Variants in KLRG2 observed in about 807,000 individuals in gnomAD.
KLRG2 encodes the protein killer cell lectin like receptor G2, also known as killer cell lectin-like receptor subfamily G member 2.
A neutral mutation model predicts 35.4 loss-of-function variants in KLRG2; 39 were observed. That is an observed-to-expected ratio of 1.10 (90% CI 0.85 to 1.44). KLRG2 has a LOEUF of 1.44. Ranked by LOEUF, KLRG2 falls within the 40% of genes most tolerant of loss-of-function variation. The pLI is 0.00. For missense variants in KLRG2, 632 were observed against 570.9 expected (o/e 1.11, Z -1.09); for synonymous variants, 283 against 265.8 (o/e 1.06, Z -0.63).
chr7:139,473,754 A>T (rs574753163), intron 3 of KLRG2, among the ~76,000 whole-genome samples: 10 of 152,284 alleles, frequency 6.6e-5, no homozygotes, highest in African/African-American at 2.4e-4. Flanking sequence ...TGGGCAGATC[A>T]CCCGAGGTCA....
the KLRG2 span, among the ~76,000 whole-genome samples, chr7:139,433,696 G>A: frequency 5.0e-4 from 71 of 140,702 alleles, no homozygotes; most frequent in South Asian, 4.0e-3. Context: ...GCACATTCTC[G>A]CCTCACTGCC....
chr7:139,477,394 C>T (rs1202477625), intron 3 of KLRG2, among the ~76,000 whole-genome samples: 1 of 152,102 alleles, frequency 6.6e-6, no homozygotes, highest in Non-Finnish European at 1.5e-5. Flanking sequence ...TATTATTCAG[C>T]CTTAAAAAGG....
the KLRG2 span, among the ~76,000 whole-genome samples, chr7:139,430,567 T>C: frequency 6.6e-6 from 1 of 152,218 alleles, no homozygotes; most frequent in East Asian, 1.9e-4. Context: ...AACAGGCAGC[T>C]TCTTACAAAT....
chr7:139,436,631 C>T, the KLRG2 span, among the ~76,000 whole-genome samples: 3 of 152,190 alleles, frequency 2.0e-5, no homozygotes, highest in African/African-American at 2.4e-5. Flanking sequence ...ATGAGGAGCC[C>T]GGCTCCAGCC....
the KLRG2 span, among the ~76,000 whole-genome samples, chr7:139,429,475 T>TAAAC: frequency 6.6e-6 from 1 of 151,516 alleles, no homozygotes; most frequent in Non-Finnish European, 1.5e-5. Context: ...GGTCAGCAGA[T>TAAAC]AAGTGAACAA....
intron 3 of KLRG2, among the ~76,000 whole-genome samples, chr7:139,468,667 C>G (rs1796707609): frequency 6.6e-6 from 1 of 152,174 alleles, no homozygotes; most frequent in Non-Finnish European, 1.5e-5. Context: ...GGATAGTGTT[C>G]TCTTTTGAAC....
Position 139,453,683 on chromosome 7 carries a change from A to T in KLRG2, c.1134T>A (p.Asn378Lys), listed in dbSNP as rs766750855. 5.2e-5 allele frequency: 84 copies of T among 1,613,964 alleles called. No individual in the cohort carries two copies. Among genetic ancestry groups the T allele is most frequent in the Non-Finnish European group, 6.9e-5 (82 of 1,180,020 alleles). ...PQLLPEDGED[N>K]LDINCGALEE... ...CCAGGGCCCCACAGTTGATATCCAG[A>T]TTGTCCTCGCCGTCCTCAGGGAGTC... Residue 378 changes from asparagine to lysine, a missense_variant, in exon 5 of 5, where the codon AAT (asparagine) becomes AAA (lysine). Coordinates refer to ENST00000340940, the MANE Select transcript of KLRG2 (RefSeq NM_198508.4).
the KLRG2 span, among the ~76,000 whole-genome samples, chr7:139,435,154 C>T: frequency 3.6e-3 from 552 of 152,244 alleles, 2 homozygotes; most frequent in African/African-American, 0.013. Flanking sequence ...GGCTACCTTT[C>T]TTAAAAAAAC....
chr7:139,483,105 CG>C lies in KLRG2; in HGVS notation c.537del (p.Gly180AlafsTer70). 1 of 1,442,300 alleles carries C rather than the reference CG, an allele frequency of 6.9e-7. No individual in the cohort carries two copies. 89.3% of individuals were successfully genotyped at this position (1,442,300 alleles called of 1,614,324 possible). ...AGCGGCGAGCGGCGGCCCCACGTGCCGCCCTGGGATGGTGCGCGCAGCAGGA... is the reference window on the plus strand; with the variant it reads ...AGCGGCGAGCGGCGGCCCCACGTGCCCCCTGGGATGGTGCGCGCAGCAGGA... ...HQLLLRAPSQGGTWGRRSPLA... is the reference protein window; with the variant it reads ...HQLLLRAPSQXGTWGRRSPLA... On this transcript the variant is annotated frameshift_variant, in exon 1 of 5. Transcript: ENST00000340940. LOFTEE classifies it high-confidence loss of function.
At chr7:139,451,951 G>A (rs570979916), downstream of KLRG2, among the ~76,000 whole-genome samples, 25 of 150,894 alleles carry the variant, frequency 1.7e-4, no homozygotes, top group Non-Finnish European at 3.1e-4. Context: ...CATCCAGCCA[G>A]GGAATTTCCA....
the KLRG2 span, among the ~76,000 whole-genome samples, chr7:139,433,596 G>A: frequency 6.7e-6 from 1 of 150,270 alleles, no homozygotes. Flanking sequence ...AAAGTGCTGG[G>A]ATTACAGGCG....
rs1796480830 is a variant in KLRG2, at chr7:139,456,611, C to T, written c.1006-2397G>A. ...AGATGATTCACCCACCTCGGCCTCC[C>T]AAAGTGCTAGGATTACAGGTATAAG... On this transcript the variant is annotated intron_variant, in intron 3 of 4. Transcript: ENST00000340940. 2.6e-5 allele frequency among the ~76,000 whole-genome samples: 4 copies of T among 152,166 alleles called. 1 individual carries two copies. The South Asian group carries it at 8.3e-4, about 32-fold the overall frequency.
the KLRG2 span, among the ~76,000 whole-genome samples, chr7:139,429,540 C>T: frequency 6.6e-6 from 1 of 151,788 alleles, no homozygotes; most frequent in Middle Eastern, 3.4e-3. Context: ...GTGTTTGTGT[C>T]CCTGGGTACT....
rs924468060 is a variant in KLRG2, at chr7:139,454,169, C to T, written c.1051G>A (p.Ala351Thr). 3.2e-6 allele frequency: 5 copies of T among 1,544,720 alleles called. No individual in the cohort carries two copies. Among genetic ancestry groups the T allele is most frequent in the African/African-American group, 1.4e-5 (1 of 72,466 alleles). Residue 351 changes from alanine (A) to threonine (T), a missense_variant, in exon 4 of 5, where the codon GCC becomes ACC. Transcript: ENST00000340940. ...YPVSRHSWVG[A>T]WRGPQGWHWI... is the part of the protein sequence containing the mutation. ...TGCCAGCCCTGGGGGCCTCGCCAGG[C>T]CCCCACCCAGGAGTGCCTGGAGACT...
chr7:139,427,225 G>C, the KLRG2 span, among the ~76,000 whole-genome samples: 1 of 152,192 alleles, frequency 6.6e-6, no homozygotes, highest in Non-Finnish European at 1.5e-5. Context: ...GAGTAGTACT[G>C]GGGCCATGCA....
At chr7:139,441,421 T>C in the KLRG2 span, among the ~76,000 whole-genome samples, 3 of 150,908 alleles carry the variant, frequency 2.0e-5, no homozygotes, top group South Asian at 6.3e-4. Flanking sequence ...AATTGAACAA[T>C]GAGAACACAT....
chr7:139,482,331 A>G (rs1282791925), intron 1 of KLRG2, among the ~76,000 whole-genome samples: 1 of 152,170 alleles, frequency 6.6e-6, no homozygotes, highest in African/African-American at 2.4e-5. Context: ...GGTGCTGCGC[A>G]TGCTAAGAGG....
chr7:139,455,514 G>T (rs907895871), intron 3 of KLRG2, among the ~76,000 whole-genome samples: 1 of 151,520 alleles, frequency 6.6e-6, no homozygotes, highest in African/African-American at 2.4e-5. Context: ...GTAGAGATGG[G>T]GTTTCACCGT....
At chr7:139,465,740 A>C (rs1291963803) in intron 3 of KLRG2, among the ~76,000 whole-genome samples, 1 of 151,832 alleles carries the variant, frequency 6.6e-6, no homozygotes, top group Non-Finnish European at 1.5e-5. Context: ...AGAGTCATTC[A>C]CTGCAAGCAG....
Sources: allele counts gnomAD v4.1 joint callset (sites outside exome capture counted in the v4.1 genomes callset), GRCh38; gene constraint gnomAD v4.1.1; transcripts MANE v1.5; gene names NCBI Gene and HGNC (gene_info 2026-07-23, HGNC 2026-07-21).